CADPS2: variants seen among roughly 807,000 people sequenced by gnomAD.
CADPS2 encodes calcium-dependent secretion activator 2.
In CADPS2, 93 loss-of-function variants were observed where a neutral mutation model predicts 172.5. That is an observed-to-expected ratio of 0.54 (90% confidence interval 0.46 to 0.64). CADPS2 has a LOEUF of 0.64. Ranked by LOEUF, CADPS2 falls within the 30% of genes least tolerant of loss-of-function variation. CADPS2 has a pLI of 0.00. For synonymous variants in CADPS2, 546 were observed against 555.2 expected, an observed-to-expected ratio of 0.98 and a Z score of 0.23; for missense variants, 1,420 against 1,565.9, an observed-to-expected ratio of 0.91 and a Z score of 1.57.
chr7:122,606,375 A>T (rs1192058687), intron 6 of CADPS2, among the ~76,000 whole-genome samples: 1 of 152,078 alleles, frequency 6.6e-6, no homozygotes, highest in Non-Finnish European at 1.5e-5. Flanking sequence ...AAAAATATAC[A>T]TGTGCCTATG....
chr7:122,535,100 T>C (rs10226496), intron 8 of CADPS2, among the ~76,000 whole-genome samples: 18,573 of 152,134 alleles, frequency 0.12, 1,530 homozygotes, highest in African/African-American at 0.23. Context: ...CTAATCACTT[T>C]ACACAAGTAT....
At chr7:122,752,967 G>A (rs1562937787) in intron 1 of CADPS2, among the ~76,000 whole-genome samples, 1 of 152,280 alleles carries the variant, frequency 6.6e-6, no homozygotes, top group Non-Finnish European at 1.5e-5. Flanking sequence ...GAATAAATGG[G>A]AGTTCTTAAT....
At chr7:122,334,735 A>C (rs1251477339) in intron 28 of CADPS2, among the ~76,000 whole-genome samples, 1 of 152,362 alleles carries the variant, frequency 6.6e-6, no homozygotes, top group South Asian at 2.1e-4. Flanking sequence ...AATTATTAGT[A>C]TCTATTTTGA....
intron 1 of CADPS2, among the ~76,000 whole-genome samples, chr7:122,790,186 C>A (rs1589221269): frequency 6.6e-6 from 1 of 151,752 alleles, no homozygotes; most frequent in African/African-American, 2.4e-5. Context: ...TGCTTGAAGA[C>A]AGGAGTTTGA....
At chr7:122,759,619 C>CTACA (rs779952474) in intron 1 of CADPS2, among the ~76,000 whole-genome samples, 81 of 152,120 alleles carry the variant, frequency 5.3e-4, no homozygotes, top group Non-Finnish European at 9.4e-4. Flanking sequence ...ATTTTATAGA[C>CTACA]TACATAGTCA....
intron 8 of CADPS2, among the ~76,000 whole-genome samples, chr7:122,527,615 A>AGTGT (rs1356293722): frequency 1.5e-3 from 139 of 94,304 alleles, no homozygotes; most frequent in African/African-American, 4.1e-3. Context: ...AGAGAGAGAG[A>AGTGT]GAGTGTGTGT....
chr7:122,816,178 AC>A (rs1204787358), intron 1 of CADPS2, among the ~76,000 whole-genome samples: 2 of 68,508 alleles, frequency 2.9e-5, no homozygotes, highest in Admixed American at 1.5e-4. Flanking sequence ...ACCCCCACCC[AC>A]CCCTTACCCA....
chr7:122,684,837 A>T (rs144770992), intron 2 of CADPS2, among the ~76,000 whole-genome samples: 2 of 152,200 alleles, frequency 1.3e-5, no homozygotes, highest in African/African-American at 4.8e-5. Flanking sequence ...ATAGCACGTT[A>T]TTTACTCTTG....
intron 6 of CADPS2, among the ~76,000 whole-genome samples, chr7:122,598,270 A>T (rs536954868): frequency 1.3e-5 from 2 of 151,966 alleles, no homozygotes; most frequent in Non-Finnish European, 2.9e-5. Flanking sequence ...GGGTATTCAC[A>T]TAAGAGTTGG....
intron 16 of CADPS2, among the ~76,000 whole-genome samples, chr7:122,441,160 A>C (rs2051298113): frequency 6.6e-6 from 1 of 152,216 alleles, no homozygotes; most frequent in African/African-American, 2.4e-5. Flanking sequence ...AGTACAAATA[A>C]AGTTGGAGGA....
At chr7:122,847,699 C>T (rs1214866762) in intron 1 of CADPS2, among the ~76,000 whole-genome samples, 2 of 152,070 alleles carry the variant, frequency 1.3e-5, no homozygotes, top group Non-Finnish European at 2.9e-5. Flanking sequence ...TGCCTTAGCT[C>T]ACATTTCTAG....
chr7:122,557,311 G>A (rs987888033), intron 7 of CADPS2, among the ~76,000 whole-genome samples: 4 of 152,130 alleles, frequency 2.6e-5, no homozygotes, highest in African/African-American at 4.8e-5. Context: ...GAGAATAAAG[G>A]ACAAGGGAGT....
chr7:122,700,356 G>T (rs1564101979), intron 2 of CADPS2, among the ~76,000 whole-genome samples: 1 of 152,078 alleles, frequency 6.6e-6, no homozygotes, highest in Non-Finnish European at 1.5e-5. Context: ...GGCCCTATGG[G>T]CCAACAAAAA....
chr7:122,727,923 T>C (rs1450283127), intron 2 of CADPS2, among the ~76,000 whole-genome samples: 1 of 151,908 alleles, frequency 6.6e-6, no homozygotes, highest in East Asian at 1.9e-4. Context: ...TCAGTGCAAA[T>C]TTAGAATATC....
At chr7:122,515,896 A>T (rs2060332761) in intron 8 of CADPS2, among the ~76,000 whole-genome samples, 1 of 151,902 alleles carries the variant, frequency 6.6e-6, no homozygotes. Flanking sequence ...CATTTGGTCA[A>T]TTTTGTTAAT....
chr7:122,586,180 T>A (rs921105186), intron 6 of CADPS2, among the ~76,000 whole-genome samples: 1 of 151,988 alleles, frequency 6.6e-6, no homozygotes, highest in African/African-American at 2.4e-5. Flanking sequence ...GCACATTTTA[T>A]TCATTTAAAA....
intron 14 of CADPS2, among the ~76,000 whole-genome samples, chr7:122,454,505 A>T (rs2152060007): frequency 6.6e-6 from 1 of 152,314 alleles, no homozygotes; most frequent in East Asian, 1.9e-4. Flanking sequence ...GAAAAGCAAT[A>T]ATGGAGTATT....
chr7:122,585,098 G>A (rs1017841358), intron 6 of CADPS2, among the ~76,000 whole-genome samples: 20 of 152,042 alleles, frequency 1.3e-4, no homozygotes, highest in Admixed American at 2.6e-4. Context: ...TCAGGCAAAG[G>A]AGAAGCTGAG....
intron 14 of CADPS2, among the ~76,000 whole-genome samples, chr7:122,467,638 G>C (rs2055334370): frequency 6.6e-6 from 1 of 152,194 alleles, no homozygotes; most frequent in African/African-American, 2.4e-5. Flanking sequence ...GCAGCTCTAA[G>C]ACAGCCCTAG....
Sources: allele counts gnomAD v4.1 joint callset (sites outside exome capture counted in the v4.1 genomes callset), GRCh38; gene constraint gnomAD v4.1.1; transcripts MANE v1.5; gene names NCBI Gene and HGNC (gene_info 2026-07-23, HGNC 2026-07-21).